IL1RAPL1: variants seen among roughly 807,000 people sequenced by gnomAD.
IL1RAPL1 encodes the protein interleukin-1 receptor accessory protein-like 1.
IL1RAPL1 carries 3 observed loss-of-function variants against 48.4 expected under a neutral mutation model. That is an observed-to-expected ratio of 0.06 (90% CI 0.03 to 0.16). The LOEUF (loss-of-function observed/expected upper bound fraction) is 0.16. IL1RAPL1 is among the 10% of genes least tolerant of loss of function. The pLI is 1.00. For synonymous variants in IL1RAPL1, 185 were observed against 187.7 expected (o/e 0.99, Z 0.12); for missense variants, 349 against 530.6 (o/e 0.66, Z 3.36).
intron 2 of IL1RAPL1, among the ~76,000 whole-genome samples, chrX:29,210,752 A>G (rs1045608664): frequency 3.6e-5 from 4 of 111,941 alleles, no homozygotes; most frequent in Admixed American, 2.9e-4. Flanking sequence ...GTCCTTTACA[A>G]TAATGCTAGG....
intron 2 of IL1RAPL1, among the ~76,000 whole-genome samples, chrX:29,088,899 C>G (rs1302552363): frequency 9.1e-6 from 1 of 110,290 alleles, no homozygotes; most frequent in Non-Finnish European, 1.9e-5. Flanking sequence ...AGTCTGTGGC[C>G]CTGAAAATTT....
intron 2 of IL1RAPL1, among the ~76,000 whole-genome samples, chrX:29,078,130 A>T (rs1042943970): frequency 4.5e-5 from 5 of 111,123 alleles, no homozygotes; most frequent in Non-Finnish European, 9.5e-5. Context: ...AAATTAGCCC[A>T]GTGTGGTAGC....
rs145305444 is a variant in IL1RAPL1 at position 29,559,633 on chromosome X, T to G, written c.704-108797T>G. 9.5e-3 allele frequency among the ~76,000 whole-genome samples: 1,061 copies of G among 111,526 alleles called. 13 individuals carry two copies. Among genetic ancestry groups the G allele is most frequent in the African/African-American group, 0.033 (1,006 of 30,743 alleles). On this transcript the variant is annotated intron_variant, in intron 5 of 10. Coordinates refer to ENST00000378993, the MANE Select transcript of IL1RAPL1 (RefSeq NM_014271.4). ...TTGTGATTTGACAATGTATTTTCAG[T>G]AGTATGCTTTGATTCCTTTCTCTTA...
At chrX:28,729,163 T>C (rs1409667521) in intron 1 of IL1RAPL1, among the ~76,000 whole-genome samples, 1 of 111,772 alleles carries the variant, frequency 8.9e-6, no homozygotes, top group African/African-American at 3.2e-5. Context: ...GCTCCCAGAC[T>C]GACCAAAATG....
intron 1 of IL1RAPL1, among the ~76,000 whole-genome samples, chrX:28,786,322 G>A (rs1029981807): frequency 2.7e-5 from 3 of 110,543 alleles, no homozygotes; most frequent in East Asian, 5.7e-4. Context: ...AAAATTAGCC[G>A]AGTATGGTGG....
At chrX:29,171,490 C>T (rs1929906748) in intron 2 of IL1RAPL1, among the ~76,000 whole-genome samples, 1 of 111,267 alleles carries the variant, frequency 9.0e-6, no homozygotes, top group Admixed American at 9.6e-5. Context: ...AGTCATGTAC[C>T]ACAGCATCTA....
intron 2 of IL1RAPL1, among the ~76,000 whole-genome samples, chrX:28,982,620 A>G (rs1925370997): frequency 9.0e-6 from 1 of 111,434 alleles, no homozygotes; most frequent in African/African-American, 3.3e-5. Context: ...AAAGCTTGAG[A>G]TATATTTCAT....
At position 28,710,337 on chromosome X, in the gene IL1RAPL1, G is replaced by T. The variant is rs191369186; in HGVS notation, c.-24-78983G>T. ...AAAAATAAAAAGAAAAGGAGATCAG[G>T]TAAATAGGATTGGGGGTGCTGATTG... On this transcript the variant is annotated intron_variant, in intron 1 of 10. Transcript: ENST00000378993. Among the ~76,000 whole-genome samples, 8 of 104,984 alleles carry T rather than the reference G, an allele frequency of 7.6e-5. No individual in the cohort carries two copies. The Admixed American group carries it at 8.4e-4, about 11-fold the overall frequency. 91.2% of individuals were successfully genotyped at this position (104,984 alleles called of 115,157 possible).
chrX:28,657,048 A>G (rs1343569120), intron 1 of IL1RAPL1, among the ~76,000 whole-genome samples: 1 of 106,398 alleles, frequency 9.4e-6, no homozygotes, highest in East Asian at 2.9e-4. Context: ...AAAAAAAAAG[A>G]TTTTACACCC....
chrX:28,806,534 A>G (rs974012865), intron 2 of IL1RAPL1, among the ~76,000 whole-genome samples: 5 of 111,575 alleles, frequency 4.5e-5, no homozygotes, highest in Admixed American at 1.9e-4. Flanking sequence ...CAGCTGCTCA[A>G]TGTCTCCATG....
At chrX:29,255,535 G>A (rs1931742793) in intron 2 of IL1RAPL1, among the ~76,000 whole-genome samples, 1 of 110,746 alleles carries the variant, frequency 9.0e-6, no homozygotes, top group South Asian at 3.8e-4. Flanking sequence ...TGAAGTTTGG[G>A]CTTCTAATGA....
At chrX:28,798,619 ATTAT>A (rs1936640753) in intron 2 of IL1RAPL1, among the ~76,000 whole-genome samples, 1 of 112,220 alleles carries the variant, frequency 8.9e-6, no homozygotes, top group South Asian at 3.7e-4. Context: ...TCTAGAGAAC[ATTAT>A]TTAGCTTACT....
At chrX:28,926,066 C>T (rs1163644877) in intron 2 of IL1RAPL1, among the ~76,000 whole-genome samples, 4 of 112,121 alleles carry the variant, frequency 3.6e-5, no homozygotes, top group African/African-American at 1.3e-4. Flanking sequence ...AGTACCGTAG[C>T]CATTAGCCAC....
intron 1 of IL1RAPL1, among the ~76,000 whole-genome samples, chrX:28,678,775 C>T (rs753245801): frequency 5.8e-4 from 65 of 111,852 alleles, no homozygotes; most frequent in Non-Finnish European, 9.6e-4. Flanking sequence ...TCTGTCTAAT[C>T]GTAGAACATT....
At chrX:28,713,218 T>C (rs930058837) in intron 1 of IL1RAPL1, among the ~76,000 whole-genome samples, 1 of 109,790 alleles carries the variant, frequency 9.1e-6, no homozygotes, top group Non-Finnish European at 1.9e-5. Flanking sequence ...CATGCCCAGC[T>C]AATTTTTTTT....
Position 28,873,593 on chromosome X carries a change from T to G in IL1RAPL1, c.82+84168T>G, listed in dbSNP as rs777498776. Among the ~76,000 whole-genome samples the G allele has an allele frequency of 8.3e-3, 784 of 93,917 alleles. 9 individuals are homozygous for G. Among genetic ancestry groups the G allele is most frequent in the African/African-American group, 0.027 (663 of 25,010 alleles). 81.6% of individuals were successfully genotyped at this position (93,917 alleles called of 115,157 possible). On this transcript the variant is annotated intron_variant, in intron 2 of 10. Coordinates refer to ENST00000378993, the MANE Select transcript of IL1RAPL1 (RefSeq NM_014271.4). ...GTCGCCCAGGCTGGAGTGCAGTGGC[T>G]CAATCTCGGCTCACTGCAAGTTCCG... is the stretch of plus-strand genomic sequence containing the variant.
intron 2 of IL1RAPL1, among the ~76,000 whole-genome samples, chrX:28,968,266 G>T (rs1399897310): frequency 9.0e-6 from 1 of 111,515 alleles, no homozygotes; most frequent in Non-Finnish European, 1.9e-5. Context: ...AATTATTACT[G>T]TATATAATTA....
intron 1 of IL1RAPL1, among the ~76,000 whole-genome samples, chrX:28,607,693 C>T (rs970084532): frequency 9.1e-6 from 1 of 109,898 alleles, no homozygotes; most frequent in Non-Finnish European, 1.9e-5. Flanking sequence ...GCCTACTTTA[C>T]TTTGTTACTC....
chrX:28,985,948 C>T (rs1423381295), intron 2 of IL1RAPL1, among the ~76,000 whole-genome samples: 1 of 111,193 alleles, frequency 9.0e-6, no homozygotes, highest in African/African-American at 3.3e-5. Flanking sequence ...CGTGAGCCAC[C>T]GCGCCCGGCC....
Sources: gnomAD v4.1 joint callset for allele counts (sites outside exome capture counted in the v4.1 genomes callset) on GRCh38, gnomAD v4.1.1 for gene constraint, MANE v1.5 for transcripts, NCBI Gene and HGNC (gene_info 2026-07-23, HGNC 2026-07-21) for gene names.